Variants in DCC observed in about 807,000 individuals in gnomAD.
The protein encoded by DCC is DCC netrin 1 receptor, also known as netrin receptor DCC.
DCC carries 58 observed loss-of-function variants against 172.5 expected under a neutral mutation model. That is an observed-to-expected ratio of 0.34 (90% CI 0.27 to 0.42). The LOEUF (loss-of-function observed/expected upper bound fraction) is 0.42. Among genes scored for constraint, DCC ranks in the 10% least tolerant of loss-of-function variants. The pLI, the probability that DCC is intolerant of heterozygous loss-of-function variation, is 1.00. For synonymous variants in DCC, 709 were observed against 644.5 expected (o/e 1.10, Z -1.52); for missense variants, 1,740 against 1,791.0 (o/e 0.97, Z 0.51).
intron 14 of DCC, 60 bp downstream of exon 14, chr18:53,322,217 A>T (rs2057419795): frequency 2.1e-6 from 2 of 952,888 alleles, no homozygotes; most frequent in Non-Finnish European, 3.4e-6. Flanking sequence ...CAGCTTCAAA[A>T]GGTCTCTTAA....
chr18:52,391,267 G>A (rs1986019734), intron 1 of DCC, among the ~76,000 whole-genome samples: 1 of 151,998 alleles, frequency 6.6e-6, no homozygotes, highest in African/African-American at 2.4e-5. Flanking sequence ...TGTAGCTCAT[G>A]AACACTTAGA....
chr18:52,608,245 T>C (rs1281786652), intron 1 of DCC, among the ~76,000 whole-genome samples: 1 of 152,140 alleles, frequency 6.6e-6, no homozygotes, highest in Non-Finnish European at 1.5e-5. Context: ...TTAATGAGCA[T>C]CATGTATGTG....
intron 7 of DCC, among the ~76,000 whole-genome samples, chr18:53,117,649 A>T (rs1007762181): frequency 1.3e-5 from 2 of 151,412 alleles, no homozygotes; most frequent in Non-Finnish European, 3.0e-5. Flanking sequence ...CGCTTTTTCA[A>T]TTAAAAAATT....
At chr18:52,389,295 AT>A (rs1328958607) in intron 1 of DCC, among the ~76,000 whole-genome samples, 1 of 152,108 alleles carries the variant, frequency 6.6e-6, no homozygotes, top group Non-Finnish European at 1.5e-5. Flanking sequence ...TTAAATTTGA[AT>A]TTTCAATAAA....
chr18:52,532,986 C>T lies in DCC; in HGVS notation c.91+192108C>T, dbSNP rs146486752. ...CCACCCCAGTCCCTCTTCTACTAAT[C>T]TACTCTGTCTTTACAGATTTGACGA... On this transcript the variant is annotated intron_variant, in intron 1 of 28. Coordinates refer to ENST00000442544, the MANE Select transcript of DCC (RefSeq NM_005215.4). Among the ~76,000 whole-genome samples the T allele has an allele frequency of 6.6e-3, 1,006 of 152,204 alleles. 5 individuals are homozygous for T. The highest frequency in any genetic ancestry group is 0.014 in the Middle Eastern group (4 of 294).
intron 12 of DCC, among the ~76,000 whole-genome samples, chr18:53,297,139 T>G (rs914963349): frequency 3.9e-5 from 6 of 152,272 alleles, no homozygotes; most frequent in African/African-American, 1.4e-4. Flanking sequence ...CCTCTTTTTT[T>G]CCTGTTTCCT....
rs145135513 is a variant in DCC at position 52,429,220 on chromosome 18, A to T, written c.91+88342A>T. Among the ~76,000 whole-genome samples the T allele has an allele frequency of 2.2e-3, 337 of 152,148 alleles. 1 individual carries two copies. Among genetic ancestry groups the T allele is most frequent in the African/African-American group, 7.8e-3 (323 of 41,544 alleles). On this transcript the variant is annotated intron_variant, in intron 1 of 28. Transcript: ENST00000442544. The stretch of plus-strand genomic sequence containing the variant: ...AGTATCTCATTTAGTCTACTCATCA[A>T]CCTATATATTAGGTGTTACTATCAC...
At chr18:53,421,065 CTTTGT>C (rs764026055) in intron 21 of DCC, among the ~76,000 whole-genome samples, 2 of 152,120 alleles carry the variant, frequency 1.3e-5, no homozygotes, top group African/African-American at 2.4e-5. Flanking sequence ...TAGAAAATCC[CTTTGT>C]TTTGAGTTTG....
rs7239363 is a variant in DCC, at chr18:52,541,667, T to C, written c.91+200789T>C. On this transcript the variant is annotated intron_variant, in intron 1 of 28. Transcript: ENST00000442544. ...ATGGAACAGCGTGGAGAACTTCCCC[T>C]GGACTTAATCCTTGATAAGAAGCAG... 7.9e-4 allele frequency among the ~76,000 whole-genome samples: 120 copies of C among 152,078 alleles called. 1 individual carries two copies. Among genetic ancestry groups the C allele is most frequent in the African/African-American group, 2.8e-3 (115 of 41,508 alleles).
intron 1 of DCC, among the ~76,000 whole-genome samples, chr18:52,416,486 C>T (rs1173759482): frequency 6.6e-6 from 1 of 151,696 alleles, no homozygotes; most frequent in Non-Finnish European, 1.5e-5. Flanking sequence ...TAAAGTCTCC[C>T]ATTATTATTG....
In DCC at chr18:52,902,886, C is replaced by T. The variant is rs1418011268; in HGVS notation, c.413-3158C>T. ...ATTTCTCACTATGACAAATAATCAA[C>T]TCTGTGAAATTTTCAAACATTGCAT... On this transcript the variant is annotated intron_variant, in intron 2 of 28. Transcript: ENST00000442544. Among the ~76,000 whole-genome samples the T allele has an allele frequency of 3.9e-5, 6 of 152,290 alleles. No individual in the cohort carries two copies. The East Asian group carries it at 1.2e-3, about 29-fold the overall frequency.
intron 12 of DCC, among the ~76,000 whole-genome samples, chr18:53,299,408 TC>T (rs2057105747): frequency 1.3e-5 from 2 of 152,196 alleles, no homozygotes; most frequent in Non-Finnish European, 2.9e-5. Flanking sequence ...ACATGAGCTT[TC>T]CCTGAAGATG....
chr18:52,388,481 A>G (rs575355478), intron 1 of DCC, among the ~76,000 whole-genome samples: 10 of 151,928 alleles, frequency 6.6e-5, no homozygotes, highest in African/African-American at 2.4e-4. Flanking sequence ...CTACTATTGC[A>G]GAAGCATTTT....
At chr18:53,180,661 CA>C (rs1290209285) in intron 9 of DCC, among the ~76,000 whole-genome samples, 35 of 152,226 alleles carry the variant, frequency 2.3e-4, no homozygotes, top group Admixed American at 1.3e-3. Flanking sequence ...CATAACATTT[CA>C]ATCTTCTTTT....
chr18:52,424,415 T>A (rs1356374344), intron 1 of DCC, among the ~76,000 whole-genome samples: 1 of 152,018 alleles, frequency 6.6e-6, no homozygotes, highest in African/African-American at 2.4e-5. Flanking sequence ...CTCAACCATA[T>A]CCCTTCTTCC....
intron 12 of DCC, among the ~76,000 whole-genome samples, chr18:53,232,800 A>G (rs1216871789): frequency 6.6e-6 from 1 of 152,114 alleles, no homozygotes; most frequent in East Asian, 1.9e-4. Flanking sequence ...CCTCGAAGCG[A>G]CTTTCACTAA....
chr18:52,636,361 T>A (rs1352457263), intron 1 of DCC, among the ~76,000 whole-genome samples: 1 of 135,718 alleles, frequency 7.4e-6, no homozygotes, highest in Non-Finnish European at 1.6e-5. Context: ...AGGGCACGAA[T>A]TGGGGATACA....
chr18:52,820,716 G>A (rs2038390249), intron 2 of DCC, among the ~76,000 whole-genome samples: 1 of 152,162 alleles, frequency 6.6e-6, no homozygotes, highest in Non-Finnish European at 1.5e-5. Context: ...ATAGAGAAGA[G>A]AGGTGATACA....
At position 53,335,754 on chromosome 18, in the gene DCC, G is replaced by A. The variant is rs188094683; in HGVS notation, c.2165-3959G>A. The stretch of plus-strand genomic sequence containing the variant: ...TCATGCTGCTGATAAAGACATACCC[G>A]AGACAGGGCAATTTACAGAAGCAAG... On this transcript the variant is annotated intron_variant, in intron 14 of 28. Coordinates refer to ENST00000442544, the MANE Select transcript of DCC (RefSeq NM_005215.4). 2.0e-4 allele frequency among the ~76,000 whole-genome samples: 30 copies of A among 152,196 alleles called. No homozygotes were observed. In the East Asian group the frequency reaches 4.3e-3, roughly 22 times the overall value.
Sources: gnomAD v4.1 joint callset for allele counts (sites outside exome capture counted in the v4.1 genomes callset) on GRCh38, gnomAD v4.1.1 for gene constraint, MANE v1.5 for transcripts, NCBI Gene and HGNC (gene_info 2026-07-23, HGNC 2026-07-21) for gene names.